The following SLC16A7 variants were observed in gnomAD, a reference collection of about 807,000 sequenced individuals.
The protein encoded by SLC16A7 is solute carrier family 16 member 7.
A neutral mutation model predicts 34.9 loss-of-function variants in SLC16A7; 33 were observed. That is an observed-to-expected ratio of 0.94 (90% CI 0.72 to 1.26). The LOEUF (loss-of-function observed/expected upper bound fraction) is 1.26, where lower values mean the gene tolerates loss of function less well. Among genes scored for constraint, SLC16A7 ranks in the 50% most tolerant of loss-of-function variants. SLC16A7 has a pLI of 0.00. For synonymous variants in SLC16A7, 201 were observed against 206.6 expected, an observed-to-expected ratio of 0.97 and a Z score of 0.23; for missense variants, 573 against 578.1, an observed-to-expected ratio of 0.99 and a Z score of 0.09.
chr12:59,660,653 G>C (rs1868798703), intron 2 of SLC16A7, among the ~76,000 whole-genome samples: 1 of 152,002 alleles, frequency 6.6e-6, no homozygotes, highest in African/African-American at 2.4e-5. Context: ...CAAGGCTGCA[G>C]TGAGCTTTGA....
intron 3 of SLC16A7, among the ~76,000 whole-genome samples, chr12:59,742,038 C>T (rs1024563462): frequency 2.4e-4 from 36 of 152,110 alleles, no homozygotes; most frequent in Admixed American, 1.0e-3. Flanking sequence ...TAACTGTGAT[C>T]CTAGGACTTT....
intron 3 of SLC16A7, among the ~76,000 whole-genome samples, chr12:59,754,773 C>T (rs1242163315): frequency 6.6e-6 from 1 of 152,154 alleles, no homozygotes; most frequent in African/African-American, 2.4e-5. Flanking sequence ...CAGCATCATC[C>T]TGATACCAAA....
chr12:59,692,097 C>T (rs1033663227), intron 2 of SLC16A7, among the ~76,000 whole-genome samples: 3 of 152,026 alleles, frequency 2.0e-5, no homozygotes, highest in Admixed American at 2.0e-4. Context: ...TTCCATGCCT[C>T]TTCTAGCTTC....
chr12:59,671,330 A>G (rs1460944144), intron 2 of SLC16A7, among the ~76,000 whole-genome samples: 1 of 152,136 alleles, frequency 6.6e-6, no homozygotes, highest in Non-Finnish European at 1.5e-5. Flanking sequence ...AATTTCTGTG[A>G]ATTCCATTCT....
intron 1 of SLC16A7, among the ~76,000 whole-genome samples, chr12:59,622,793 ATAGTGTGACTGAG>A (rs1446881360): frequency 6.6e-6 from 1 of 151,836 alleles, no homozygotes; most frequent in East Asian, 1.9e-4. Flanking sequence ...GGAATTATGG[ATAGTGTGACTGAG>A]TAGCCGAATT....
At chr12:59,630,859 C>T (rs1262136211) in intron 1 of SLC16A7, among the ~76,000 whole-genome samples, 1 of 151,826 alleles carries the variant, frequency 6.6e-6, no homozygotes, top group Non-Finnish European at 1.5e-5. Flanking sequence ...AGAAGGCCTT[C>T]AATTTGCTTT....
chr12:59,761,805 C>G lies in SLC16A7; in HGVS notation c.218-9414C>G, dbSNP rs1881043582. ...TGGCAGGGCTACTCATTTGTTTTCA[C>G]ATATTTATCTATTTGTTCCCTTGGT... On this transcript the variant is annotated intron_variant, in intron 3 of 5. Coordinates refer to ENST00000547379, the MANE Select transcript of SLC16A7 (RefSeq NM_001270623.2). 3.3e-5 allele frequency among the ~76,000 whole-genome samples: 5 copies of G among 152,144 alleles called. No homozygotes were observed. The South Asian group carries it at 1.0e-3, about 32-fold the overall frequency.
rs773136471 is a variant in SLC16A7, at chr12:59,717,084, A to G, written c.217+12066A>G. ...TGGTTGCTTATTTGACTTTTGGGCA[A>G]GAACTGGGATATAGAAATTGCTGTT... On this transcript the variant is annotated intron_variant, in intron 3 of 5. Transcript: ENST00000547379. 3.6e-4 allele frequency among the ~76,000 whole-genome samples: 55 copies of G among 152,314 alleles called. 1 individual carries two copies. Among genetic ancestry groups the G allele is most frequent in the Non-Finnish European group, 7.1e-4 (48 of 68,032 alleles).
chr12:59,734,355 C>CG (rs1877336454), intron 3 of SLC16A7, among the ~76,000 whole-genome samples: 1 of 152,218 alleles, frequency 6.6e-6, no homozygotes. Context: ...CACCCAGGCT[C>CG]GGCTTCAACT....
At chr12:59,675,930 T>G (rs1323614261) in intron 2 of SLC16A7, among the ~76,000 whole-genome samples, 1 of 152,164 alleles carries the variant, frequency 6.6e-6, no homozygotes, top group African/African-American at 2.4e-5. Context: ...TATATATATA[T>G]ATAGCCAAAT....
chr12:59,719,380 A>T (rs1875298473), intron 3 of SLC16A7, among the ~76,000 whole-genome samples: 1 of 152,146 alleles, frequency 6.6e-6, no homozygotes, highest in Non-Finnish European at 1.5e-5. Context: ...TAAATTCCAC[A>T]ATATTGGAAT....
At chr12:59,704,529 AT>A (rs1873328360) in intron 2 of SLC16A7, among the ~76,000 whole-genome samples, 1 of 152,214 alleles carries the variant, frequency 6.6e-6, no homozygotes, top group African/African-American at 2.4e-5. Flanking sequence ...ACTTTGAGTA[AT>A]TTTTGTTTCA....
At chr12:59,647,925 T>C (rs551137569) in intron 1 of SLC16A7, among the ~76,000 whole-genome samples, 9 of 151,874 alleles carry the variant, frequency 5.9e-5, no homozygotes, top group Non-Finnish European at 1.3e-4. Context: ...TGGTGGAACA[T>C]GCCTGTAGTC....
chr12:59,737,091 TG>T (rs1158314437), intron 3 of SLC16A7, among the ~76,000 whole-genome samples: 7 of 152,310 alleles, frequency 4.6e-5, no homozygotes, highest in African/African-American at 1.4e-4. Flanking sequence ...ATAACATCTG[TG>T]CTTGTGCTGT....
intron 3 of SLC16A7, among the ~76,000 whole-genome samples, chr12:59,736,925 C>G (rs1877671791): frequency 6.6e-6 from 1 of 152,160 alleles, no homozygotes; most frequent in African/African-American, 2.4e-5. Flanking sequence ...TTCTCTACAC[C>G]CTCAGCCTCC....
intron 2 of SLC16A7, among the ~76,000 whole-genome samples, chr12:59,665,809 CGTGTGTGTGT>C (rs34983187): frequency 1.1e-4 from 16 of 143,070 alleles, no homozygotes; most frequent in African/African-American, 3.0e-4. Context: ...ATATATAACA[CGTGTGTGTGT>C]GTGTGTGTGT....
At chr12:59,761,288 C>T (rs1880987410) in intron 3 of SLC16A7, 1 of 518,942 alleles carries the variant, frequency 1.9e-6, no homozygotes, top group African/African-American at 2.0e-5. Flanking sequence ...TTTATATTCT[C>T]TTAAAGTCTG....
chr12:59,708,729 C>G (rs555779243), intron 3 of SLC16A7, among the ~76,000 whole-genome samples: 1 of 150,810 alleles, frequency 6.6e-6, no homozygotes, highest in African/African-American at 2.5e-5. Context: ...CCTGTGATGT[C>G]AGGACTGGAG....
At chr12:59,600,349 C>G (rs1878624888) in intron 1 of SLC16A7, among the ~76,000 whole-genome samples, 1 of 152,202 alleles carries the variant, frequency 6.6e-6, no homozygotes, top group Non-Finnish European at 1.5e-5. Context: ...AAGTGGACTC[C>G]CTTTGAGAAG....
Sources: allele counts gnomAD v4.1 joint callset (sites outside exome capture counted in the v4.1 genomes callset), GRCh38; gene constraint gnomAD v4.1.1; transcripts MANE v1.5; gene names NCBI Gene and HGNC (gene_info 2026-07-23, HGNC 2026-07-21).